KIAA1328: variants seen among roughly 807,000 people sequenced by gnomAD.
The protein encoded by KIAA1328 is protein hinderin.
A neutral mutation model predicts 68.1 loss-of-function variants in KIAA1328; 52 were observed. That is an observed-to-expected ratio of 0.76 (90% CI 0.61 to 0.96). The LOEUF is 0.96. Among genes scored for constraint, KIAA1328 ranks in the 40% least tolerant of loss-of-function variants. The pLI, the probability that KIAA1328 is intolerant of heterozygous loss-of-function variation, is 0.00. For synonymous variants in KIAA1328, 232 were observed against 239.4 expected, an observed-to-expected ratio of 0.97 and a Z score of 0.28; for missense variants, 641 against 677.6, an observed-to-expected ratio of 0.95 and a Z score of 0.60.
intron 4 of KIAA1328, among the ~76,000 whole-genome samples, chr18:36,881,770 T>C (rs956741443): frequency 6.6e-6 from 1 of 152,256 alleles, no homozygotes; most frequent in African/African-American, 2.4e-5. Context: ...ATTCATATGG[T>C]AGGTATCATG....
chr18:36,866,384 C>G (rs552585228), intron 4 of KIAA1328, among the ~76,000 whole-genome samples: 8 of 152,026 alleles, frequency 5.3e-5, no homozygotes, highest in Non-Finnish European at 1.2e-4. Context: ...TACAGATGCT[C>G]TCTTTATCCC....
intron 6 of KIAA1328, among the ~76,000 whole-genome samples, chr18:37,028,215 T>G (rs1289573863): frequency 6.6e-6 from 1 of 152,168 alleles, no homozygotes; most frequent in East Asian, 1.9e-4. Flanking sequence ...TAGCTCCATC[T>G]GTGTGTTTTA....
chr18:37,107,742 C>G (rs1346887879), intron 7 of KIAA1328, among the ~76,000 whole-genome samples: 3 of 152,104 alleles, frequency 2.0e-5, no homozygotes, highest in Non-Finnish European at 4.4e-5. Context: ...AGCTGCTCAT[C>G]AATTCTAGAA....
At chr18:36,977,053 A>G (rs1408246285) in intron 6 of KIAA1328, among the ~76,000 whole-genome samples, 1 of 152,318 alleles carries the variant, frequency 6.6e-6, no homozygotes, top group Middle Eastern at 3.4e-3. Flanking sequence ...CTTTTTAATC[A>G]TTCAGATAGA....
chr18:37,089,156 G>A (rs942023609), intron 7 of KIAA1328, among the ~76,000 whole-genome samples: 10 of 151,898 alleles, frequency 6.6e-5, no homozygotes, highest in South Asian at 4.1e-4. Context: ...GGGAGGGGAC[G>A]TGTATATGTG....
intron 7 of KIAA1328, chr18:37,075,784 T>C (rs1255043676): frequency 6.6e-6 from 1 of 152,214 alleles, no homozygotes; most frequent in Non-Finnish European, 1.5e-5. Context: ...AAGAGCTAAC[T>C]ATCCTAAATA....
chr18:36,902,274 G>C (rs973185032), intron 5 of KIAA1328: 1 of 151,712 alleles, frequency 6.6e-6, no homozygotes, highest in African/African-American at 2.4e-5. Context: ...GAGGGGTGGT[G>C]GTAGGGGCAG....
intron 9 of KIAA1328, among the ~76,000 whole-genome samples, chr18:37,201,412 A>C (rs2060112024): frequency 6.6e-6 from 1 of 152,206 alleles, no homozygotes; most frequent in Non-Finnish European, 1.5e-5. Flanking sequence ...AAATTGTAGA[A>C]AAATAATAAA....
intron 5 of KIAA1328, among the ~76,000 whole-genome samples, chr18:36,925,459 TC>T (rs1297870284): frequency 1.3e-5 from 2 of 152,276 alleles, no homozygotes; most frequent in East Asian, 3.9e-4. Flanking sequence ...CTTTTCTTTT[TC>T]TCTTTTTGTA....
chr18:37,176,305 G>T (rs574968741), intron 9 of KIAA1328, among the ~76,000 whole-genome samples: 1 of 152,130 alleles, frequency 6.6e-6, no homozygotes, highest in Non-Finnish European at 1.5e-5. Context: ...TGCTTTTAAG[G>T]TTCAATAATA....
chr18:36,925,612 A>G (rs1320797563), intron 5 of KIAA1328, among the ~76,000 whole-genome samples: 1 of 151,240 alleles, frequency 6.6e-6, no homozygotes, highest in African/African-American at 2.4e-5. Flanking sequence ...TCAATGGCTC[A>G]CTGCAACCTC....
chr18:36,923,589 A>T (rs1291369320), intron 5 of KIAA1328, among the ~76,000 whole-genome samples: 2 of 152,186 alleles, frequency 1.3e-5, no homozygotes, highest in African/African-American at 4.8e-5. Flanking sequence ...CATTAAAGAA[A>T]TTGTATTTGT....
intron 6 of KIAA1328, among the ~76,000 whole-genome samples, chr18:37,009,545 G>A (rs79971107): frequency 2.0e-5 from 3 of 152,080 alleles, no homozygotes; most frequent in East Asian, 3.9e-4. Flanking sequence ...GATGTTTTTG[G>A]TGGTTAAACT....
chr18:36,940,654 T>C (rs941309961), intron 5 of KIAA1328, among the ~76,000 whole-genome samples: 14 of 151,484 alleles, frequency 9.2e-5, no homozygotes, highest in Non-Finnish European at 2.1e-4. Context: ...TCATCATTGG[T>C]AAATAGAGTG....
chr18:37,022,969 A>G (rs2054404818), intron 6 of KIAA1328, among the ~76,000 whole-genome samples: 3 of 152,208 alleles, frequency 2.0e-5, no homozygotes, highest in South Asian at 2.1e-4. Flanking sequence ...AGTAAACTCT[A>G]CAGTCACTGA....
intron 7 of KIAA1328, among the ~76,000 whole-genome samples, chr18:37,078,553 T>C (rs1315768736): frequency 5.5e-5 from 8 of 146,264 alleles, no homozygotes; most frequent in Non-Finnish European, 1.1e-4. Context: ...ACCTACAAAA[T>C]GGGAGAAAAT....
intron 9 of KIAA1328, among the ~76,000 whole-genome samples, chr18:37,179,584 G>C (rs1433532209): frequency 2.0e-5 from 3 of 152,156 alleles, no homozygotes; most frequent in African/African-American, 7.2e-5. Flanking sequence ...CTAGAAGGTG[G>C]CTTGTGTGAT....
At chr18:37,155,789 C>G (rs1308242427) in intron 7 of KIAA1328, among the ~76,000 whole-genome samples, 1 of 152,168 alleles carries the variant, frequency 6.6e-6, no homozygotes, top group Non-Finnish European at 1.5e-5. Flanking sequence ...CATCTCCGTT[C>G]CTCCCTACCA....
chr18:37,116,056 A>G (rs2058096694), intron 7 of KIAA1328, among the ~76,000 whole-genome samples: 1 of 152,220 alleles, frequency 6.6e-6, no homozygotes, highest in Admixed American at 6.5e-5. Context: ...GGGCAGGAAA[A>G]ATCAATATCA....
Sources: gnomAD v4.1 joint callset for allele counts (sites outside exome capture counted in the v4.1 genomes callset) on GRCh38, gnomAD v4.1.1 for gene constraint, MANE v1.5 for transcripts, NCBI Gene and HGNC (gene_info 2026-07-23, HGNC 2026-07-21) for gene names.